Variants in KCNN2 observed in about 807,000 individuals in gnomAD.
The protein encoded by KCNN2 is potassium calcium-activated channel subfamily N member 2.
A neutral mutation model predicts 55.5 loss-of-function variants in KCNN2; 24 were observed. The ratio of observed to expected loss-of-function variants is 0.43; its 90% CI spans 0.31 to 0.61. The LOEUF (loss-of-function observed/expected upper bound fraction) is 0.61. Ranked by LOEUF, KCNN2 falls within the 20% of genes least tolerant of loss-of-function variation. KCNN2 has a pLI of 0.08. For missense variants in KCNN2, 754 were observed against 853.6 expected, an observed-to-expected ratio of 0.88 and a Z score of 1.45; for synonymous variants, 431 against 336.1, an observed-to-expected ratio of 1.28 and a Z score of -3.09.
chr5:114,096,425 C>T (rs1246702336), intron 1 of KCNN2, among the ~76,000 whole-genome samples: 1 of 152,082 alleles, frequency 6.6e-6, no homozygotes, highest in African/African-American at 2.4e-5. Flanking sequence ...TTACATAATA[C>T]AATTGAAATA....
At chr5:114,229,006 T>G (rs1242498895) in intron 2 of KCNN2, among the ~76,000 whole-genome samples, 3 of 152,046 alleles carry the variant, frequency 2.0e-5, no homozygotes, top group Non-Finnish European at 4.4e-5. Context: ...AAAGAGAAAT[T>G]AACTTAATTT....
chr5:114,395,194 G>T (rs1219096261), intron 2 of KCNN2, among the ~76,000 whole-genome samples: 3 of 152,190 alleles, frequency 2.0e-5, no homozygotes, highest in Non-Finnish European at 4.4e-5. Context: ...TTACCTCTTT[G>T]TGGGCAGGCC....
At chr5:114,378,725 G>A (rs1161208122) in intron 2 of KCNN2, among the ~76,000 whole-genome samples, 1 of 149,936 alleles carries the variant, frequency 6.7e-6, no homozygotes, top group East Asian at 1.9e-4. Flanking sequence ...GCATAACTTA[G>A]TGTCAGCATC....
intron 2 of KCNN2, among the ~76,000 whole-genome samples, chr5:114,403,956 G>A: frequency 6.6e-6 from 1 of 152,222 alleles, no homozygotes. Flanking sequence ...CTGAAGCCAA[G>A]AATAAGATTT....
At chr5:114,441,719 G>C (rs1760221603) in intron 3 of KCNN2, among the ~76,000 whole-genome samples, 1 of 152,028 alleles carries the variant, frequency 6.6e-6, no homozygotes, top group South Asian at 2.1e-4. Context: ...TAACTCAGCA[G>C]GCTATTACAG....
intron 1 of KCNN2, among the ~76,000 whole-genome samples, chr5:114,219,452 G>C (rs933829820): frequency 4.6e-5 from 7 of 152,154 alleles, no homozygotes; most frequent in African/African-American, 9.7e-5. Flanking sequence ...GAGCTGAAAA[G>C]GGTACGGGGT....
At position 114,374,805 on chromosome 5, in the gene KCNN2, C is replaced by T. The variant is rs138099858; in HGVS notation, c.1218+10804C>T. 1.2e-4 allele frequency among the ~76,000 whole-genome samples: 18 copies of T among 152,288 alleles called. 1 individual carries two copies. In the East Asian group the frequency reaches 3.1e-3, roughly 26 times the overall value. On this transcript the variant is annotated intron_variant, in intron 2 of 7. Coordinates refer to ENST00000673685, the MANE Select transcript of KCNN2 (RefSeq NM_021614.4). The stretch of plus-strand genomic sequence containing the variant: ...GACCATTCTAACAACTGATATTCTA[C>T]ATCAATAATGTGTCCTTTGCTTTCT...
chr5:114,253,727 CAGG>C (rs1044079846), intron 2 of KCNN2: 2 of 152,208 alleles, frequency 1.3e-5, no homozygotes, highest in Non-Finnish European at 2.9e-5. Flanking sequence ...CTCTCAAGGG[CAGG>C]AGGAGATCTT....
At chr5:114,143,895 C>T (rs1236727139) in intron 1 of KCNN2, among the ~76,000 whole-genome samples, 1 of 152,136 alleles carries the variant, frequency 6.6e-6, no homozygotes, top group African/African-American at 2.4e-5. Context: ...CATGATTGGA[C>T]TGAAGAATAT....
chr5:114,460,981 A>G (rs1215627218), intron 3 of KCNN2, among the ~76,000 whole-genome samples: 1 of 152,170 alleles, frequency 6.6e-6, no homozygotes, highest in Non-Finnish European at 1.5e-5. Context: ...TTCCTGTTTT[A>G]GGAAATTGCT....
intron 1 of KCNN2, among the ~76,000 whole-genome samples, chr5:114,140,013 G>A (rs540272648): frequency 1.3e-5 from 2 of 152,054 alleles, no homozygotes; most frequent in Admixed American, 6.6e-5. Flanking sequence ...GTGAAACAAT[G>A]ACACTCTTCT....
intron 1 of KCNN2, among the ~76,000 whole-genome samples, chr5:114,081,740 C>T (rs747536801): frequency 3.9e-4 from 60 of 152,164 alleles, no homozygotes; most frequent in Middle Eastern, 3.4e-3. Context: ...ACAAAAGGCA[C>T]GGGCAACAAA....
intron 1 of KCNN2, among the ~76,000 whole-genome samples, chr5:114,149,143 C>T (rs573467378): frequency 8.0e-4 from 122 of 152,204 alleles, no homozygotes; most frequent in African/African-American, 2.9e-3. Flanking sequence ...TTTAAGAAGA[C>T]GTTTAATAAA....
chr5:114,229,285 C>A (rs911226086), intron 2 of KCNN2, among the ~76,000 whole-genome samples: 5 of 150,950 alleles, frequency 3.3e-5, no homozygotes, highest in African/African-American at 9.7e-5. Context: ...TACTAAGATC[C>A]CTGCTTTTTT....
chr5:114,358,516 C>T (rs536115513), upstream of KCNN2, among the ~76,000 whole-genome samples: 22 of 152,282 alleles, frequency 1.4e-4, no homozygotes, highest in South Asian at 3.3e-3. Context: ...ATTTGAAATA[C>T]ATTTTGTGGC....
intron 1 of KCNN2, among the ~76,000 whole-genome samples, chr5:114,073,043 T>C (rs1217317121): frequency 2.6e-5 from 4 of 152,206 alleles, no homozygotes; most frequent in African/African-American, 4.8e-5. Context: ...ACAACTTTTG[T>C]TGTAGTTTAT....
intron 2 of KCNN2, among the ~76,000 whole-genome samples, chr5:114,222,716 A>G (rs769751733): frequency 2.6e-5 from 4 of 152,168 alleles, no homozygotes; most frequent in Non-Finnish European, 4.4e-5. Context: ...AAGAAGCTGA[A>G]TGAGACATTA....
chr5:114,151,925 G>T (rs1322734189), intron 1 of KCNN2, among the ~76,000 whole-genome samples: 2 of 152,150 alleles, frequency 1.3e-5, no homozygotes, highest in African/African-American at 4.8e-5. Flanking sequence ...TACCTTTATA[G>T]ATAAAAATGA....
chr5:114,209,334 T>C (rs1418192864), intron 1 of KCNN2, among the ~76,000 whole-genome samples: 1 of 152,088 alleles, frequency 6.6e-6, no homozygotes. Context: ...GCTTGCTCCT[T>C]AAATGTCACT....
Sources: allele counts gnomAD v4.1 joint callset (sites outside exome capture counted in the v4.1 genomes callset), GRCh38; gene constraint gnomAD v4.1.1; transcripts MANE v1.5; gene names NCBI Gene and HGNC (gene_info 2026-07-23, HGNC 2026-07-21).